The following MACROD2 variants were observed in gnomAD, a reference collection of about 807,000 sequenced individuals.
MACROD2 encodes the protein ADP-ribose glycohydrolase MACROD2.
In MACROD2, 36 loss-of-function variants were observed where a neutral mutation model predicts 70.4. The ratio of observed to expected loss-of-function variants is 0.51; its 90% confidence interval spans 0.39 to 0.68. The LOEUF is 0.68. Ranked by LOEUF, MACROD2 falls within the 30% of genes least tolerant of loss-of-function variation. The pLI is 0.00. For missense variants in MACROD2, 496 were observed against 538.4 expected (o/e 0.92, Z 0.78); for synonymous variants, 172 against 178.8 (o/e 0.96, Z 0.30).
At chr20:14,571,168 A>T (rs921757005) in intron 4 of MACROD2, among the ~76,000 whole-genome samples, 4 of 152,104 alleles carry the variant, frequency 2.6e-5, no homozygotes, top group African/African-American at 9.7e-5. Context: ...TCAGGCCTGG[A>T]GAAAAAGAAT....
At chr20:15,627,469 G>A (rs1427110814) in intron 8 of MACROD2, among the ~76,000 whole-genome samples, 1 of 152,148 alleles carries the variant, frequency 6.6e-6, no homozygotes, top group Non-Finnish European at 1.5e-5. Context: ...TCTCCTGGAA[G>A]ACTTGTAGGT....
At chr20:14,265,088 A>G (rs1468961645) in intron 3 of MACROD2, among the ~76,000 whole-genome samples, 1 of 152,180 alleles carries the variant, frequency 6.6e-6, no homozygotes, top group Non-Finnish European at 1.5e-5. Context: ...CTGTTCATTC[A>G]AATATATTAC....
chr20:16,015,528 A>G (rs1040456798), intron 15 of MACROD2, among the ~76,000 whole-genome samples: 2 of 152,200 alleles, frequency 1.3e-5, no homozygotes, highest in African/African-American at 4.8e-5. Flanking sequence ...TTTCCATGTA[A>G]ATTTTATAAT....
chr20:14,230,660 AGGCTGGGCC>A (rs1569217418), intron 3 of MACROD2, among the ~76,000 whole-genome samples: 42 of 43,082 alleles, frequency 9.7e-4, no homozygotes, highest in African/African-American at 4.5e-3. Flanking sequence ...TATATAACAC[AGGCTGGGCC>A]TATATATATA....
At chr20:15,777,365 AAG>A (rs1050701002) in intron 8 of MACROD2, among the ~76,000 whole-genome samples, 6 of 152,060 alleles carry the variant, frequency 3.9e-5, no homozygotes, top group Admixed American at 3.9e-4. Flanking sequence ...CGGTTTGGTT[AAG>A]TAAAATTTAG....
At chr20:14,388,234 G>T (rs375650668) in intron 3 of MACROD2, among the ~76,000 whole-genome samples, 2 of 151,832 alleles carry the variant, frequency 1.3e-5, no homozygotes, top group African/African-American at 4.8e-5. Flanking sequence ...GGATGGTCTC[G>T]ATCTCCTGAC....
intron 8 of MACROD2, among the ~76,000 whole-genome samples, chr20:15,715,335 G>A (rs1363267241): frequency 6.6e-6 from 1 of 152,110 alleles, no homozygotes; most frequent in Non-Finnish European, 1.5e-5. Flanking sequence ...CTCTACCAAA[G>A]AGAATAGTAT....
chr20:14,187,127 A>G (rs2081351417), intron 3 of MACROD2, among the ~76,000 whole-genome samples: 1 of 143,132 alleles, frequency 7.0e-6, no homozygotes, highest in Non-Finnish European at 1.5e-5. Flanking sequence ...AGAATGCAAA[A>G]GTTTAAAAAA....
intron 5 of MACROD2, among the ~76,000 whole-genome samples, chr20:14,945,565 G>A (rs1400890018): frequency 6.6e-6 from 1 of 152,066 alleles, no homozygotes; most frequent in Non-Finnish European, 1.5e-5. Flanking sequence ...TACCTTCCTT[G>A]CTAAATAACA....
At chr20:14,113,511 G>A (rs1044653072) in intron 3 of MACROD2, among the ~76,000 whole-genome samples, 2 of 152,084 alleles carry the variant, frequency 1.3e-5, no homozygotes, top group African/African-American at 4.8e-5. Flanking sequence ...TAAATAGCTT[G>A]TTAGTGTGCA....
At chr20:15,551,817 G>T (rs75828976) in intron 8 of MACROD2, among the ~76,000 whole-genome samples, 5,255 of 147,708 alleles carry the variant, frequency 0.036, 309 homozygotes, top group African/African-American at 0.13. Context: ...TGCAGTGAGC[G>T]GAACTAGCAT....
At chr20:15,219,359 T>A (rs542385955) in intron 5 of MACROD2, among the ~76,000 whole-genome samples, 1 of 152,280 alleles carries the variant, frequency 6.6e-6, no homozygotes, top group African/African-American at 2.4e-5. Flanking sequence ...GGCCCAGCAA[T>A]GTAAGCCACC....
At chr20:14,201,010 T>C (rs539767775) in intron 3 of MACROD2, among the ~76,000 whole-genome samples, 88 of 151,948 alleles carry the variant, frequency 5.8e-4, no homozygotes, top group Middle Eastern at 3.4e-3. Context: ...TGAAGGATGT[T>C]TTTGTTTATG....
intron 8 of MACROD2, among the ~76,000 whole-genome samples, chr20:15,628,465 G>A (rs1030783283): frequency 1.3e-5 from 2 of 152,224 alleles, no homozygotes; most frequent in African/African-American, 4.8e-5. Flanking sequence ...GAGGGAAAAG[G>A]ATGAGTGTGA....
intron 2 of MACROD2, among the ~76,000 whole-genome samples, chr20:14,023,118 C>G (rs1266845706): frequency 2.0e-5 from 3 of 152,200 alleles, no homozygotes; most frequent in Admixed American, 1.3e-4. Context: ...GAGATAGTAT[C>G]TCATTGTGGT....
At chr20:14,964,545 C>G (rs988418087) in intron 5 of MACROD2, among the ~76,000 whole-genome samples, 4 of 151,534 alleles carry the variant, frequency 2.6e-5, no homozygotes, top group African/African-American at 9.7e-5. Flanking sequence ...TGCACTTCAG[C>G]CTGGGCGACA....
intron 5 of MACROD2, among the ~76,000 whole-genome samples, chr20:14,944,709 C>A (rs557724447): frequency 5.9e-5 from 9 of 152,252 alleles, no homozygotes; most frequent in African/African-American, 1.4e-4. Context: ...TTCCTGGTGG[C>A]TTGAGAACCA....
At chr20:15,209,115 G>GTATGTATTTATT (rs1555792787) in intron 5 of MACROD2, among the ~76,000 whole-genome samples, 1 of 147,074 alleles carries the variant, frequency 6.8e-6, no homozygotes, top group African/African-American at 2.5e-5. Context: ...GGTGGTGGTG[G>GTATGTATTTATT]TATTTATTTA....
chr20:15,227,680 C>G (rs2076919099), intron 5 of MACROD2, among the ~76,000 whole-genome samples: 4 of 152,112 alleles, frequency 2.6e-5, no homozygotes, highest in Non-Finnish European at 4.4e-5. Context: ...AGGTGTTCTT[C>G]AAAGCACAGG....
Sources: gnomAD v4.1 joint callset for allele counts (sites outside exome capture counted in the v4.1 genomes callset) on GRCh38, gnomAD v4.1.1 for gene constraint, MANE v1.5 for transcripts, NCBI Gene and HGNC (gene_info 2026-07-23, HGNC 2026-07-21) for gene names.